GFI1: variants seen among roughly 807,000 people sequenced by gnomAD.
The protein encoded by GFI1 is zinc finger protein Gfi-1.
GFI1 carries 15 observed loss-of-function variants against 39.2 expected under a neutral mutation model. The ratio of observed to expected loss-of-function variants is 0.38; its 90% confidence interval spans 0.26 to 0.59. The LOEUF is 0.59. Ranked by LOEUF, GFI1 falls within the 20% of genes least tolerant of loss-of-function variation. The pLI is 0.62. For synonymous variants in GFI1, 239 were observed against 254.3 expected (o/e 0.94, Z 0.57); for missense variants, 475 against 574.0 (o/e 0.83, Z 1.76).
chr1:92,479,689 T>C (rs113693381), intron 5 of GFI1, among the ~76,000 whole-genome samples: 1 of 152,020 alleles, frequency 6.6e-6, no homozygotes, highest in Non-Finnish European at 1.5e-5. Context: ...CCGTCTCTAC[T>C]AAGAACACAA....
chr1:92,482,742 T>G lies in GFI1; in HGVS notation c.298+122A>C. 1 of 799,566 alleles carries G rather than the reference T, an allele frequency of 1.3e-6. No individual in the cohort carries two copies. Among genetic ancestry groups the G allele is most frequent in the Non-Finnish European group, 2.1e-6 (1 of 467,244 alleles). The allele number at this position is 799,566 out of a possible 1,614,324, so 49.5% of individuals were successfully genotyped here. A position where few individuals can be genotyped will look rare whatever the true frequency, so the allele number is the denominator to read the frequency against. On this transcript the variant is annotated intron_variant, in intron 3 of 6. Transcript: ENST00000294702. The surrounding 1 kb of genome is among the most constrained non-coding windows in gnomAD (Gnocchi z 4.4). ...CTCCTTCCCCTACGAATCAGCTCCC[T>G]TCTCCCGGAAAGACTCTCCAACTCC...
chr1:92,477,573 C>T (rs72962656), intron 6 of GFI1, among the ~76,000 whole-genome samples: 29 of 152,130 alleles, frequency 1.9e-4, no homozygotes, highest in Non-Finnish European at 3.2e-4. Flanking sequence ...AACTCCCACC[C>T]GCACATAAAG....
chr1:92,481,116 T>A lies in GFI1; in HGVS notation c.299-28A>T, dbSNP rs754338354. 6.3e-7 allele frequency: 1 copy of A among 1,592,112 alleles called. No homozygotes were observed. The highest frequency in any genetic ancestry group is 1.1e-5 in the South Asian group (1 of 89,462). On this transcript the variant is annotated intron_variant, in intron 3 of 6. Transcript: ENST00000294702. This position sits in a 1 kb window ranked among gnomAD's most constrained non-coding sequence, Gnocchi z 4.3. Reference sequence around the variant, plus strand: ...GTGGAGGCACAAGGGGAGCGTCCGGTCAGGCTTCAGACGGCAGAGCGGAGG... The same window carrying A: ...GTGGAGGCACAAGGGGAGCGTCCGGACAGGCTTCAGACGGCAGAGCGGAGG...
At chr1:92,486,002 C>G (rs902951426) in intron 1 of GFI1, 1 of 152,338 alleles carries the variant, frequency 6.6e-6, no homozygotes, top group Non-Finnish European at 1.5e-5. Flanking sequence ...AGAACAGGCT[C>G]GGCGGACCTA....
At position 92,483,802 on chromosome 1, in the gene GFI1, C is replaced by T. The variant is rs1164086486; in HGVS notation, c.-99-216G>A. On this transcript the variant is annotated intron_variant, in intron 1 of 6. Transcript: ENST00000294702. ...CGCCGCCGCCACTGACACAGCTCAGCGGTAAAACCTGTCCCGGGGCCCTGT... is the reference window on the plus strand; with the variant it reads ...CGCCGCCGCCACTGACACAGCTCAGTGGTAAAACCTGTCCCGGGGCCCTGT... The T allele has an allele frequency of 7.2e-6, 3 of 418,148 alleles. No individual in the cohort carries two copies. The East Asian group carries it at 1.6e-4, about 22-fold the overall frequency. 25.9% of individuals were successfully genotyped at this position (418,148 alleles called of 1,614,324 possible). A position where few individuals can be genotyped will look rare whatever the true frequency, so the allele number is the denominator to read the frequency against.
chr1:92,477,197 T>A (rs1403735093), intron 6 of GFI1, among the ~76,000 whole-genome samples: 1 of 152,226 alleles, frequency 6.6e-6, no homozygotes, highest in Non-Finnish European at 1.5e-5. Context: ...ATGTATTCTA[T>A]CCCTTTAGGG....
Position 92,480,701 on chromosome 1 carries a change from A to C in GFI1, c.686T>G (p.Leu229Arg), listed in dbSNP as rs1199246201. ...GACGCCAGCGCCCTTGTCTGCGTGC[A>C]GCCCGTGGCCACGCTCGGGGTACAG... Reference protein sequence around the residue: ...GLLYPERGHGLHADKGAGVKV... With the variant: ...GLLYPERGHGRHADKGAGVKV... Residue 229 changes from leucine (L) to arginine (R), a missense_variant, in exon 4 of 7, where the codon CTG (leucine) becomes CGG (arginine). Coordinates refer to ENST00000294702, the MANE Select transcript of GFI1 (RefSeq NM_005263.5). This position sits in a 1 kb window ranked among gnomAD's most constrained non-coding sequence, Gnocchi z 5.6. 5 of 1,596,110 alleles carry C rather than the reference A, an allele frequency of 3.1e-6. No homozygotes were observed. The highest frequency in any genetic ancestry group is 4.2e-6 in the Non-Finnish European group (5 of 1,177,892).
In GFI1 at chr1:92,481,778, G is replaced by T. The variant is rs1259941652; in HGVS notation, c.299-690C>A. Among the ~76,000 whole-genome samples, 1 of 152,072 alleles carries T rather than the reference G, an allele frequency of 6.6e-6. No homozygotes were observed. Among genetic ancestry groups the T allele is most frequent in the Non-Finnish European group, 1.5e-5 (1 of 68,008 alleles). On this transcript the variant is annotated intron_variant, in intron 3 of 6. Transcript: ENST00000294702. This position sits in a 1 kb window ranked among gnomAD's most constrained non-coding sequence, Gnocchi z 4.3. ...TCCTGTTACAGTTTGATGGAGGCGGGGAACCTGAATTTCTCAGAGAATAAC... is the reference window on the plus strand; with the variant it reads ...TCCTGTTACAGTTTGATGGAGGCGGTGAACCTGAATTTCTCAGAGAATAAC...
intron 1 of GFI1, among the ~76,000 whole-genome samples, chr1:92,485,778 C>A (rs1295270509): frequency 6.6e-6 from 1 of 152,228 alleles, no homozygotes. Context: ...GGATTTGGCT[C>A]CCCTGCCGAA....
chr1:92,483,019 T>A lies in GFI1; in HGVS notation c.143A>T (p.Lys48Met). 6.2e-7 allele frequency: 1 copy of A among 1,602,242 alleles called. No homozygotes were observed. Among genetic ancestry groups the A allele is most frequent in the African/African-American group, 1.3e-5 (1 of 74,752 alleles). The change falls in exon 3 of 7, where the codon AAG becomes ATG. Residue 48 changes from lysine (K) to methionine (M), a missense_variant. Coordinates refer to ENST00000294702, the MANE Select transcript of GFI1 (RefSeq NM_005263.5). ...GGACAAACGGTCCCGGGGCTCCGCC[T>A]TCGCCCCGCCTGCATTTGAAGTGCT... ...ADSTSNAGGA[K>M]AEPRDRLSPE...
In GFI1 at chr1:92,480,856, C is replaced by G. The variant is rs1557669788; in HGVS notation, c.531G>C (p.Ala177=). 11 of 1,458,736 alleles carry G rather than the reference C, an allele frequency of 7.5e-6. No individual in the cohort carries two copies. The highest frequency in any genetic ancestry group is 1.4e-5 in the South Asian group (1 of 70,524). 90.4% of individuals were successfully genotyped at this position (1,458,736 alleles called of 1,614,324 possible). The change falls in exon 4 of 7, where the codon GCG becomes GCC. Residue 177 remains alanine (A), a synonymous_variant. Transcript: ENST00000294702. The surrounding 1 kb of genome is among the most constrained non-coding windows in gnomAD (Gnocchi z 5.6). ...TGCAGCTCCCTGGCGCCCCGGCCCCCGCGCCGCCGGCAGCCCGCTTCGGGC... is the reference window on the plus strand; with the variant it reads ...TGCAGCTCCCTGGCGCCCCGGCCCCGGCGCCGCCGGCAGCCCGCTTCGGGC... The part of the protein sequence containing the change: ...LYGPKRAAGG[A]GAGAPGSCSA...
chr1:92,478,233 G>A (rs1457954003), intron 6 of GFI1, among the ~76,000 whole-genome samples: 1 of 152,132 alleles, frequency 6.6e-6, no homozygotes, highest in African/African-American at 2.4e-5. Context: ...TCAATCTCTA[G>A]GTAAGCTTTA....
At position 92,483,420 on chromosome 1, in the gene GFI1, G is replaced by A. The variant is rs1191445044; in HGVS notation, c.68C>T (p.Pro23Leu). 5 of 1,613,228 alleles carry A rather than the reference G, an allele frequency of 3.1e-6. No individual in the cohort carries two copies. In the Admixed American group the frequency reaches 5.0e-5, roughly 16 times the overall value. Residue 23 changes from proline to leucine, a missense_variant, in exon 2 of 7, where the codon CCA (proline) becomes CTA (leucine). Physicochemically the swap from Pro to Leu is moderately conservative, Grantham distance 98. Transcript: ENST00000294702. ...ATTCTCTAAACGGAGGGAATAGTCT[G>A]GTCCTGGGGAGCGCGGCTGGTGGTA... ...HSYHQPRSPG[P>L]DYSLRLENVP...
intron 1 of GFI1, chr1:92,485,920 G>T (rs1658506128): frequency 6.6e-6 from 1 of 152,364 alleles, no homozygotes; most frequent in South Asian, 2.1e-4. Context: ...AACCGCCCGC[G>T]CCCTCTGATC....
chr1:92,477,573 C>G (rs72962656), intron 6 of GFI1, among the ~76,000 whole-genome samples: 416 of 152,246 alleles, frequency 2.7e-3, no homozygotes, highest in African/African-American at 8.9e-3. Context: ...AACTCCCACC[C>G]GCACATAAAG....
chr1:92,483,060 G>A lies in GFI1; in HGVS notation c.116-14C>T, dbSNP rs376335800. The A allele has an allele frequency of 7.1e-5, 111 of 1,569,840 alleles. No homozygotes were observed. Among genetic ancestry groups the A allele is most frequent in the Non-Finnish European group, 9.1e-5 (106 of 1,161,486 alleles). On this transcript the variant is annotated splice_polypyrimidine_tract_variant and intron_variant, in intron 2 of 6. Transcript: ENST00000294702. Reference sequence around the variant, plus strand: ...TTGAAGTGCTGTCTGCAAAGAGGAGGCAGGTGAGGGGCTCAGGCTGGGACC... The same window carrying A: ...TTGAAGTGCTGTCTGCAAAGAGGAGACAGGTGAGGGGCTCAGGCTGGGACC...
At position 92,474,896 on chromosome 1, in the gene GFI1, G is replaced by A. The variant is rs1657885305; in HGVS notation, c.*1133C>T. On this transcript the variant is annotated 3_prime_UTR_variant, in exon 7 of 7. Coordinates refer to ENST00000294702, the MANE Select transcript of GFI1 (RefSeq NM_005263.5). ...AAATACCACCTTTCCCCCCTCTATGGTACACATGGAGGGTCAAAGAGTTGA... is the reference window on the plus strand; with the variant it reads ...AAATACCACCTTTCCCCCCTCTATGATACACATGGAGGGTCAAAGAGTTGA... 1 of 152,332 alleles carries A rather than the reference G, an allele frequency of 6.6e-6. No individual in the cohort carries two copies. The highest frequency in any genetic ancestry group is 2.4e-5 in the African/African-American group (1 of 41,380). 9.4% of individuals were successfully genotyped at this position (152,332 alleles called of 1,614,324 possible). A position where few individuals can be genotyped will look rare whatever the true frequency, so the allele number is the denominator to read the frequency against.
At position 92,481,403 on chromosome 1, in the gene GFI1, G is replaced by A. The variant is rs1017273410; in HGVS notation, c.299-315C>T. On this transcript the variant is annotated intron_variant, in intron 3 of 6. Transcript: ENST00000294702. This position sits in a 1 kb window ranked among gnomAD's most constrained non-coding sequence, Gnocchi z 4.3. ...CTTTTCTGGCTGGACCCGCGCACCT[G>A]GAGATCCTACAGGGAAGGGCGCATC... 6.6e-6 allele frequency among the ~76,000 whole-genome samples: 1 copy of A among 152,242 alleles called. No individual in the cohort carries two copies. The highest frequency in any genetic ancestry group is 2.4e-5 in the African/African-American group (1 of 41,470).
intron 6 of GFI1, among the ~76,000 whole-genome samples, chr1:92,477,020 T>C (rs1323122261): frequency 1.3e-5 from 2 of 152,192 alleles, no homozygotes; most frequent in Non-Finnish European, 1.5e-5. Context: ...GTTGGGTAAA[T>C]GGCATGAATT....
Sources: allele counts gnomAD v4.1 joint callset (sites outside exome capture counted in the v4.1 genomes callset), GRCh38; gene constraint gnomAD v4.1.1; non-coding constraint Gnocchi (gnomAD v3.1); transcripts MANE v1.5; gene names NCBI Gene and HGNC (gene_info 2026-07-23, HGNC 2026-07-21).